Variants in SRSF7 observed in about 807,000 individuals in gnomAD.
SRSF7 encodes serine and arginine rich splicing factor 7.
In SRSF7, 15 loss-of-function variants were observed where a neutral mutation model predicts 42.2. The observed-to-expected ratio is 0.36, with a 90% CI of 0.24 to 0.55. The LOEUF (loss-of-function observed/expected upper bound fraction) is 0.55, where lower values mean the gene tolerates loss of function less well. Among genes scored for constraint, SRSF7 ranks in the 20% least tolerant of loss-of-function variants. The pLI, the probability that SRSF7 is intolerant of heterozygous loss-of-function variation, is 0.88. For missense variants in SRSF7, 181 were observed against 305.9 expected, an observed-to-expected ratio of 0.59 and a Z score of 3.04; for synonymous variants, 138 against 107.9, an observed-to-expected ratio of 1.28 and a Z score of -1.73.
chr2:38,745,124 T>C lies in SRSF7; in HGVS notation c.*9A>G. 7 of 1,614,124 alleles carry C rather than the reference T, an allele frequency of 4.3e-6. No homozygotes were observed. The East Asian group carries it at 1.6e-4, about 36-fold the overall frequency. On this transcript the variant is annotated 3_prime_UTR_variant, in exon 8 of 8. Transcript: ENST00000313117. ...AATAACTTTTCCCTAAAGGGTGAAC[T>C]TGAGAGCTTCAGTCCATTCTTTCAG...
Position 38,749,812 on chromosome 2 carries a change from C to T in SRSF7, c.210-107G>A, listed in dbSNP as rs181280617. 8.8e-4 allele frequency: 1,181 copies of T among 1,335,834 alleles called. 12 individuals carry two copies. The African/African-American group carries it at 0.017, about 19-fold the overall frequency. The allele number at this position is 1,335,834 out of a possible 1,614,324, so 82.7% of individuals were successfully genotyped here. A position where few individuals can be genotyped will look rare whatever the true frequency, so the allele number is the denominator to read the frequency against. On this transcript the variant is annotated intron_variant, in intron 2 of 7. Coordinates refer to ENST00000313117, the MANE Select transcript of SRSF7 (RefSeq NM_001031684.3). Reference sequence around the variant, plus strand: ...CTCACTCTTTCCAACCACTCCTTCCCCCCCAACAAACTTTGGCGGTCTTTA... The same window carrying T: ...CTCACTCTTTCCAACCACTCCTTCCTCCCCAACAAACTTTGGCGGTCTTTA...
chr2:38,748,701 T>C, intron 3 of SRSF7, 48 bp from the exon 4 acceptor site: 9 of 1,570,578 alleles, frequency 5.7e-6, no homozygotes, highest in Admixed American at 3.3e-5. Context: ...AATAACTCGT[T>C]TTTAAGAGTT....
chr2:38,748,190 G>GTTT (rs374060715), intron 4 of SRSF7, 33 bp from the exon 5 acceptor site: 676 of 1,295,376 alleles, frequency 5.2e-4, no homozygotes, highest in Middle Eastern at 1.0e-3. Flanking sequence ...CATCTCCACA[G>GTTT]TTTTTTTTTT....
Position 38,744,996 on chromosome 2 carries a change from G to A in SRSF7, c.*137C>T. The stretch of plus-strand genomic sequence containing the variant: ...AAAATTTATATTATCTTACTGCTGT[G>A]AATTTACATAGTAATCCAGATCCAT... On this transcript the variant is annotated 3_prime_UTR_variant, in exon 8 of 8. Coordinates refer to ENST00000313117, the MANE Select transcript of SRSF7 (RefSeq NM_001031684.3). 6 of 821,920 alleles carry A rather than the reference G, an allele frequency of 7.3e-6. No homozygotes were observed. Among genetic ancestry groups the A allele is most frequent in the Non-Finnish European group, 1.1e-5 (6 of 529,244 alleles). The allele number at this position is 821,920 out of a possible 1,614,324, so 50.9% of individuals were successfully genotyped here.
In SRSF7 at chr2:38,749,591, C is replaced by T; in HGVS notation, c.324G>A (p.Glu108=). 2 of 1,604,756 alleles carry T rather than the reference C, an allele frequency of 1.2e-6. No homozygotes were observed. Among genetic ancestry groups the T allele is most frequent in the South Asian group, 1.1e-5 (1 of 88,626 alleles). The change falls in exon 3 of 8, where the codon GAG becomes GAA. Residue 108 remains glutamate, a synonymous_variant. Transcript: ENST00000313117. The part of the protein sequence containing the change: ...RPFDPNDRCY[E]CGEKGHYAYD... ...AAGCATAATGTCCCTTTTCGCCACACTCATAGCATCTATCATTTGGATCAA... is the reference window on the plus strand; with the variant it reads ...AAGCATAATGTCCCTTTTCGCCACATTCATAGCATCTATCATTTGGATCAA...
At chr2:38,747,819 T>G (rs142489176) in intron 5 of SRSF7, among the ~76,000 whole-genome samples, 1 of 152,234 alleles carries the variant, frequency 6.6e-6, no homozygotes, top group Non-Finnish European at 1.5e-5. Flanking sequence ...ACTGTATTGC[T>G]TGGGACCCTT....
At position 38,743,887 on chromosome 2, in the gene SRSF7, G is replaced by A; in HGVS notation, c.*1246C>T. The A allele has an allele frequency of 2.9e-5, 4 of 136,070 alleles. No individual in the cohort carries two copies. The highest frequency in any genetic ancestry group is 2.5e-4 in the East Asian group (1 of 3,970). The allele number at this position is 136,070 out of a possible 1,614,324, so 8.4% of individuals were successfully genotyped here. ...AAAATGGACAAGCCTAGGTATCTGC[G>A]CAACCAGCAGGTTTTTTTTTTTTTG... On this transcript the variant is annotated 3_prime_UTR_variant, in exon 8 of 8. Transcript: ENST00000313117.
Position 38,748,059 on chromosome 2 carries a change from G to C in SRSF7, c.560C>G (p.Ser187Trp). ...RRSRSGSIKGSRYFQSPSRSR... is the reference protein window; with the variant it reads ...RRSRSGSIKGWRYFQSPSRSR... ...AAGTGTTACATACTGGAAATACCTCGATCCTTTTATAGAACCAGACCTAGA... is the reference window on the plus strand; with the variant it reads ...AAGTGTTACATACTGGAAATACCTCCATCCTTTTATAGAACCAGACCTAGA... Residue 187 changes from serine to tryptophan, a missense_variant, in exon 5 of 8, where the codon TCG (serine) becomes TGG (tryptophan). Around this residue, in one of 2 missense-constraint regions of SRSF7, gnomAD observed 136 missense variants for 147.8 expected, o/e 0.92. Transcript: ENST00000313117. The C allele has an allele frequency of 6.2e-7, 1 of 1,612,518 alleles. No individual in the cohort carries two copies. Among genetic ancestry groups the C allele is most frequent in the Non-Finnish European group, 8.5e-7 (1 of 1,178,796 alleles).
At chr2:38,749,385 CAT>C (rs1558612505) in intron 3 of SRSF7, 142 bp downstream of exon 3, 1 of 1,543,674 alleles carries the variant, frequency 6.5e-7, no homozygotes, top group East Asian at 2.5e-5. Flanking sequence ...AATATAGTAA[CAT>C]TTTTTTAATT....
chr2:38,745,101 TAACTTTTCCCTA>T lies in SRSF7; in HGVS notation c.*20_*31del. On this transcript the variant is annotated 3_prime_UTR_variant, in exon 8 of 8. Transcript: ENST00000313117. Reference sequence around the variant, plus strand: ...ATCCCTTATAATAATGTAAACAAAATAACTTTTCCCTAAAGGGTGAACTTGAGAGCTTCAGTC... The same window carrying T: ...ATCCCTTATAATAATGTAAACAAAATAAGGGTGAACTTGAGAGCTTCAGTC... The T allele has an allele frequency of 6.2e-7, 1 of 1,611,160 alleles. No homozygotes were observed. The highest frequency in any genetic ancestry group is 1.3e-5 in the African/African-American group (1 of 74,942).
At position 38,744,703 on chromosome 2, in the gene SRSF7, G is replaced by T; in HGVS notation, c.*430C>A. ...CAGGTCATCTTACCCAGAGCTACAA[G>T]GGTAAGATGGAATTTTCAAAGTCCC... On this transcript the variant is annotated 3_prime_UTR_variant, in exon 8 of 8. Coordinates refer to ENST00000313117, the MANE Select transcript of SRSF7 (RefSeq NM_001031684.3). 1.5e-3 allele frequency: 240 copies of T among 165,308 alleles called. 1 individual carries two copies. The highest frequency in any genetic ancestry group is 2.5e-3 in the Non-Finnish European group (191 of 75,888). 10.2% of individuals were successfully genotyped at this position (165,308 alleles called of 1,614,324 possible).
At chr2:38,748,216 A>T in intron 4 of SRSF7, 59 bp from the exon 5 acceptor site, 1 of 1,330,058 alleles carries the variant, frequency 7.5e-7, no homozygotes, top group South Asian at 1.2e-5. Context: ...GCCTGTTAAG[A>T]CTTCAACTGG....
intron 5 of SRSF7, chr2:38,747,129 G>A (rs1434075924): frequency 4.2e-6 from 2 of 475,790 alleles, no homozygotes; most frequent in East Asian, 6.8e-5. Context: ...CTACTCAGGA[G>A]GCTAAGGCAG....
At chr2:38,747,679 C>G (rs754683325) in intron 5 of SRSF7, among the ~76,000 whole-genome samples, 1 of 152,158 alleles carries the variant, frequency 6.6e-6, no homozygotes, top group Non-Finnish European at 1.5e-5. Flanking sequence ...CTACTTGCTT[C>G]TGATCTCTTT....
chr2:38,746,687 A>G lies in SRSF7; in HGVS notation c.626+7T>C, dbSNP rs762207830. 2.5e-6 allele frequency: 4 copies of G among 1,613,348 alleles called. No homozygotes were observed. The East Asian group carries it at 8.9e-5, about 36-fold the overall frequency. ...ACTAGAAAAGCATAATCAAATTTTT[A>G]CCCTACCTGCTTCTTGGTCGTGAAA... On this transcript the variant is annotated splice_region_variant and intron_variant, in intron 6 of 7. Coordinates refer to ENST00000313117, the MANE Select transcript of SRSF7 (RefSeq NM_001031684.3).
upstream of SRSF7, chr2:38,751,463 C>T (rs991855308): frequency 1.6e-6 from 1 of 632,284 alleles, no homozygotes; most frequent in African/African-American, 1.8e-5. Flanking sequence ...CGGAAACAGC[C>T]AAGAAACGAC....
intron 2 of SRSF7, 149 bp from the exon 3 acceptor site, chr2:38,749,854 T>G: frequency 8.1e-7 from 1 of 1,236,272 alleles, no homozygotes; most frequent in Non-Finnish European, 1.1e-6. Context: ...CCTAACTCCA[T>G]CTCCGCTATC....
intron 3 of SRSF7, 68 bp downstream of exon 3, chr2:38,749,461 C>T (rs1320992542): frequency 6.5e-7 from 1 of 1,547,314 alleles, no homozygotes; most frequent in Non-Finnish European, 8.7e-7. Flanking sequence ...ACACTAGTTT[C>T]TGCCTTGCTA....
chr2:38,749,816 C>A, intron 2 of SRSF7, 111 bp from the exon 3 acceptor site: 2 of 1,332,980 alleles, frequency 1.5e-6, no homozygotes, highest in Non-Finnish European at 2.0e-6. Context: ...CCTTCCCCCC[C>A]AACAAACTTT....
Sources: gnomAD v4.1 joint callset for allele counts (sites outside exome capture counted in the v4.1 genomes callset) on GRCh38, gnomAD v4.1.1 for gene constraint, gnomAD v4.1.1 regional missense constraint, MANE v1.5 for transcripts, NCBI Gene and HGNC (gene_info 2026-07-23, HGNC 2026-07-21) for gene names.